TBCK: variants seen among roughly 807,000 people sequenced by gnomAD.
TBCK encodes the protein TBC1 domain containing kinase, also known as TBC domain-containing protein kinase-like protein.
A neutral mutation model predicts 113.4 loss-of-function variants in TBCK; 99 were observed. That is an observed-to-expected ratio of 0.87 (90% confidence interval 0.74 to 1.03). The LOEUF (loss-of-function observed/expected upper bound fraction) is 1.03. Ranked by LOEUF, TBCK falls within the 50% of genes least tolerant of loss-of-function variation. The probability of loss-of-function intolerance (pLI) is 0.00; values close to 1 mark genes in which losing one functional copy is unlikely to be tolerated. For missense variants in TBCK, 1,045 were observed against 1,061.3 expected (o/e 0.98, Z 0.21); for synonymous variants, 369 against 370.8 (o/e 1.00, Z 0.05).
chr4:106,302,485 G>A (rs1579570843), intron 2 of TBCK, among the ~76,000 whole-genome samples: 3 of 152,162 alleles, frequency 2.0e-5, no homozygotes, highest in African/African-American at 7.2e-5. Context: ...GGTAGAGGAA[G>A]GAAAAGAAGG....
intron 3 of TBCK, among the ~76,000 whole-genome samples, chr4:106,271,762 A>AC (rs1763511039): frequency 6.6e-6 from 1 of 151,930 alleles, no homozygotes; most frequent in South Asian, 2.1e-4. Flanking sequence ...AAAAAAAAAA[A>AC]AAAACAAAAC....
intron 25 of TBCK, among the ~76,000 whole-genome samples, chr4:106,051,122 G>A (rs1051983679): frequency 6.6e-6 from 1 of 151,874 alleles, no homozygotes; most frequent in African/African-American, 2.4e-5. Context: ...AGTACTGTGG[G>A]TGAACTAAGG....
intron 22 of TBCK, among the ~76,000 whole-genome samples, chr4:106,187,332 A>T (rs1753137860): frequency 6.6e-6 from 1 of 152,056 alleles, no homozygotes; most frequent in African/African-American, 2.4e-5. Flanking sequence ...TTTGGGCAAT[A>T]TGGCCATTTT....
At chr4:106,305,741 C>G (rs868796232) in intron 2 of TBCK, among the ~76,000 whole-genome samples, 4 of 152,068 alleles carry the variant, frequency 2.6e-5, no homozygotes, top group Non-Finnish European at 5.9e-5. Flanking sequence ...TCATAAAGAC[C>G]TTGCTGATAA....
At chr4:106,236,623 A>G (rs1016285641) in intron 13 of TBCK, 104 bp from the exon 14 acceptor site, 1 of 1,154,532 alleles carries the variant, frequency 8.7e-7, no homozygotes, top group Non-Finnish European at 1.1e-6. Context: ...AAAAAGCACA[A>G]AATTTTAATA....
intron 20 of TBCK, among the ~76,000 whole-genome samples, chr4:106,197,411 G>GTATATATATATATATATA (rs1553957897): frequency 1.6e-5 from 2 of 122,446 alleles, no homozygotes; most frequent in Non-Finnish European, 1.7e-5. Flanking sequence ...GTGTGTGTGT[G>GTATATATATATATATATA]TATATATATA....
At position 106,248,228 on chromosome 4, in the gene TBCK, C is replaced by G; in HGVS notation, c.782+17G>C. On this transcript the variant is annotated intron_variant, in intron 9 of 25. Coordinates refer to ENST00000394708, the MANE Select transcript of TBCK (RefSeq NM_001163435.3). ...TAAAGGATCTCAATGTAATCCCAAT[C>G]TCTAAATAATATCAACCTCTTAGAA... 6.4e-7 allele frequency: 1 copy of G among 1,555,734 alleles called. No individual in the cohort carries two copies. Among genetic ancestry groups the G allele is most frequent in the Non-Finnish European group, 8.7e-7 (1 of 1,147,458 alleles).
intron 15 of TBCK, 107 bp downstream of exon 15, chr4:106,235,162 T>C (rs1307778896): frequency 6.4e-6 from 4 of 627,564 alleles, no homozygotes; most frequent in South Asian, 3.8e-5. Flanking sequence ...TATATTTTAC[T>C]ATATAATTTT....
chr4:106,078,231 A>G (rs1429868754), intron 25 of TBCK, among the ~76,000 whole-genome samples: 5 of 152,188 alleles, frequency 3.3e-5, no homozygotes, highest in Non-Finnish European at 5.9e-5. Context: ...GAGGAACTAT[A>G]AAAATAGGAA....
intron 23 of TBCK, among the ~76,000 whole-genome samples, chr4:106,145,342 AC>A (rs1747654188): frequency 1.3e-5 from 2 of 152,114 alleles, no homozygotes. Flanking sequence ...ACAAAACAAA[AC>A]AAAAAAACTT....
At chr4:106,197,384 TGA>T (rs1207910541) in intron 20 of TBCK, among the ~76,000 whole-genome samples, 1 of 114,332 alleles carries the variant, frequency 8.7e-6, no homozygotes, top group Non-Finnish European at 1.8e-5. Flanking sequence ...AAAACATATC[TGA>T]GTGTGTGTGT....
chr4:106,219,340 T>G (rs1032680673), intron 19 of TBCK, among the ~76,000 whole-genome samples: 6 of 150,768 alleles, frequency 4.0e-5, no homozygotes, highest in Non-Finnish European at 7.4e-5. Flanking sequence ...CCGCACAATG[T>G]GCACATGTAC....
chr4:106,228,403 C>T (rs968731705), intron 19 of TBCK, among the ~76,000 whole-genome samples: 2 of 151,294 alleles, frequency 1.3e-5, no homozygotes, highest in Admixed American at 6.6e-5. Context: ...CACTACCCTT[C>T]CCAGCCTGTG....
At chr4:106,056,721 A>G (rs1291761099) in intron 25 of TBCK, among the ~76,000 whole-genome samples, 1 of 151,818 alleles carries the variant, frequency 6.6e-6, no homozygotes, top group East Asian at 1.9e-4. Context: ...CTGAGACTTC[A>G]GTCAGTATCA....
chr4:106,167,360 A>C (rs960097287), intron 23 of TBCK, among the ~76,000 whole-genome samples: 2 of 151,220 alleles, frequency 1.3e-5, no homozygotes, highest in African/African-American at 2.4e-5. Context: ...ACAACATCAA[A>C]ATTGGTGGAA....
intron 20 of TBCK, among the ~76,000 whole-genome samples, chr4:106,198,664 T>TTTTATA (rs1393800713): frequency 6.6e-6 from 1 of 152,106 alleles, no homozygotes; most frequent in Non-Finnish European, 1.5e-5. Context: ...TGGTAATCAT[T>TTTTATA]TTTATATTAT....
At chr4:106,313,188 C>T (rs61256759) in intron 1 of TBCK, among the ~76,000 whole-genome samples, 11 of 152,152 alleles carry the variant, frequency 7.2e-5, no homozygotes, top group Admixed American at 2.0e-4. Context: ...ACAGAAAAAA[C>T]TGATTCTGCT....
chr4:106,064,839 G>A (rs1261648833), intron 25 of TBCK, among the ~76,000 whole-genome samples: 1 of 151,898 alleles, frequency 6.6e-6, no homozygotes, highest in Non-Finnish European at 1.5e-5. Context: ...ACCCATCACT[G>A]TCTCTAGAGT....
Position 106,082,274 on chromosome 4 carries a change from A to G in TBCK, c.2571+13208T>C, listed in dbSNP as rs117811683. On this transcript the variant is annotated intron_variant, in intron 25 of 25. Coordinates refer to ENST00000394708, the MANE Select transcript of TBCK (RefSeq NM_001163435.3). ...ATGCAGCCACAGAAAGAATGAAGTCATATCTTTTGCAGAAACATGGAAGCA... is the reference window on the plus strand; with the variant it reads ...ATGCAGCCACAGAAAGAATGAAGTCGTATCTTTTGCAGAAACATGGAAGCA... Among the ~76,000 whole-genome samples, 112 of 152,336 alleles carry G rather than the reference A, an allele frequency of 7.4e-4. 6 individuals carry two copies. The East Asian group carries it at 0.021, about 29-fold the overall frequency.
Sources: allele counts gnomAD v4.1 joint callset (sites outside exome capture counted in the v4.1 genomes callset), GRCh38; gene constraint gnomAD v4.1.1; transcripts MANE v1.5; gene names NCBI Gene and HGNC (gene_info 2026-07-23, HGNC 2026-07-21).